The following PECR variants were observed in gnomAD, a reference collection of about 807,000 sequenced individuals.
PECR encodes 2,4-dienoyl-CoA reductase-related protein.
PECR carries 30 observed loss-of-function variants against 35.3 expected under a neutral mutation model. The observed-to-expected ratio is 0.85, with a 90% CI of 0.64 to 1.15. The LOEUF is 1.15. Ranked by LOEUF, PECR falls within the 50% of genes most tolerant of loss-of-function variation. The pLI is 0.00. For synonymous variants in PECR, 148 were observed against 138.9 expected (o/e 1.07, Z -0.46); for missense variants, 392 against 370.8 (o/e 1.06, Z -0.47).
At chr2:216,033,537 G>A (rs960333359), downstream of PECR, 2 of 152,292 alleles carry the variant, frequency 1.3e-5, no homozygotes, top group East Asian at 3.9e-4. Context: ...CAGGATGCCA[G>A]GAAGCAGCAA....
At chr2:216,066,272 G>T in intron 2 of PECR, 113 bp downstream of exon 2, 1 of 885,484 alleles carries the variant, frequency 1.1e-6, no homozygotes. Flanking sequence ...TCTGCTTCTA[G>T]TGAGCCTCAT....
intron 1 of PECR, among the ~76,000 whole-genome samples, chr2:216,072,270 T>C (rs1054440748): frequency 6.6e-6 from 1 of 152,182 alleles, no homozygotes; most frequent in Non-Finnish European, 1.5e-5. Flanking sequence ...CAGTCCAGCA[T>C]ATACAGGTGG....
chr2:216,046,809 C>G (rs1056300321), intron 6 of PECR, among the ~76,000 whole-genome samples: 1 of 152,046 alleles, frequency 6.6e-6, no homozygotes, highest in African/African-American at 2.4e-5. Flanking sequence ...GAAACATATC[C>G]CCTCACCCAA....
intron 1 of PECR, among the ~76,000 whole-genome samples, chr2:216,078,333 G>C (rs893928843): frequency 1.3e-5 from 2 of 151,964 alleles, no homozygotes; most frequent in African/African-American, 2.4e-5. Context: ...AAAATAAAGA[G>C]GAAAAAGTAA....
chr2:216,054,378 T>C (rs1182777822), intron 4 of PECR, among the ~76,000 whole-genome samples: 3 of 139,006 alleles, frequency 2.2e-5, no homozygotes, highest in African/African-American at 3.1e-5. Context: ...TTTCTTTTTT[T>C]TTTTTTTTTT....
intron 1 of PECR, among the ~76,000 whole-genome samples, chr2:216,070,270 T>C (rs1695562631): frequency 6.6e-6 from 1 of 152,250 alleles, no homozygotes. Flanking sequence ...CAGGCTAATG[T>C]ATCTATCACC....
At chr2:216,078,293 C>T (rs890019879) in intron 1 of PECR, among the ~76,000 whole-genome samples, 4 of 151,534 alleles carry the variant, frequency 2.6e-5, no homozygotes, top group South Asian at 2.1e-4. Flanking sequence ...ATGACAATGT[C>T]GTGGAAATAG....
At chr2:216,048,729 C>T (rs769427847) in intron 6 of PECR, among the ~76,000 whole-genome samples, 3 of 150,716 alleles carry the variant, frequency 2.0e-5, no homozygotes, top group African/African-American at 7.3e-5. Flanking sequence ...TCTTCATCAT[C>T]GTCATCATCA....
At position 216,054,749 on chromosome 2, in the gene PECR, T is replaced by G. The variant is rs144043443; in HGVS notation, c.507-3204A>C. On this transcript the variant is annotated intron_variant, in intron 4 of 7. Transcript: ENST00000265322. ...CATTACGGTGAACTTCACAAGTTATTCCAAATTCTACAGTCATAGATGTTG... is the reference window on the plus strand; with the variant it reads ...CATTACGGTGAACTTCACAAGTTATGCCAAATTCTACAGTCATAGATGTTG... Among the ~76,000 whole-genome samples, 809 of 152,342 alleles carry G rather than the reference T, an allele frequency of 5.3e-3. 10 individuals are homozygous for G. The highest frequency in any genetic ancestry group is 0.018 in the African/African-American group (767 of 41,574).
intron 6 of PECR, among the ~76,000 whole-genome samples, chr2:216,048,989 C>T (rs944022541): frequency 6.6e-6 from 1 of 151,946 alleles, no homozygotes; most frequent in Admixed American, 6.6e-5. Flanking sequence ...CCAACAAATG[C>T]CATGTAATAA....
chr2:216,066,254 T>C, intron 2 of PECR, 131 bp downstream of exon 2: 1 of 821,334 alleles, frequency 1.2e-6, no homozygotes, highest in South Asian at 1.4e-5. Context: ...AGAATCTCTT[T>C]CACAGCCTCT....
Position 216,044,004 on chromosome 2 carries a change from C to T in PECR, c.726G>A (p.Val242=). The change falls in exon 7 of 8, where the codon GTG becomes GTA. Residue 242 remains valine (V), a synonymous_variant. Coordinates refer to ENST00000265322, the MANE Select transcript of PECR (RefSeq NM_018441.6). ...RIGVPEEVSS[V]VCFLLSPAAS... ...CTGCAGGAGACAGTAGGAAGCAGAC[C>T]ACAGAGGAGACCTGGAAACAGAAAC... 2 of 1,595,108 alleles carry T rather than the reference C, an allele frequency of 1.3e-6. No homozygotes were observed. The highest frequency in any genetic ancestry group is 1.7e-6 in the Non-Finnish European group (2 of 1,162,778).
At chr2:216,031,442 A>AAAGAAAAAGAAAGAAAGAAAGG (rs1559203829) in intron 7 of PECR, among the ~76,000 whole-genome samples, 223 of 138,424 alleles carry the variant, frequency 1.6e-3, no homozygotes, top group Non-Finnish European at 2.8e-3. Flanking sequence ...AGAAAGAAAG[A>AAAGAAAAAGAAAGAAAGAAAGG]AAAAGAAAGA....
chr2:216,030,956 T>TCACACACACA (rs1219074422), intron 7 of PECR, among the ~76,000 whole-genome samples: 3 of 113,398 alleles, frequency 2.6e-5, no homozygotes, highest in South Asian at 2.8e-4. Context: ...TCTCTCTCTC[T>TCACACACACA]CACACACACA....
At chr2:216,074,533 G>GAAGGAAGT (rs1695654078) in intron 1 of PECR, among the ~76,000 whole-genome samples, 1 of 120,650 alleles carries the variant, frequency 8.3e-6, no homozygotes, top group East Asian at 2.2e-4. Context: ...AGGAAGGAAG[G>GAAGGAAGT]AAGGAAGAAA....
chr2:216,055,100 A>C (rs996745791), intron 4 of PECR, among the ~76,000 whole-genome samples: 1 of 143,570 alleles, frequency 7.0e-6, no homozygotes, highest in Non-Finnish European at 1.5e-5. Context: ...TGATAGAGCG[A>C]GACTGTGTCT....
intron 4 of PECR, among the ~76,000 whole-genome samples, chr2:216,058,614 T>C (rs1203155505): frequency 6.6e-6 from 1 of 152,116 alleles, no homozygotes; most frequent in African/African-American, 2.4e-5. Flanking sequence ...GGATTAGAGT[T>C]GCCCAAGAAA....
At position 216,074,460 on chromosome 2, in the gene PECR, AAAAG is replaced by A. The variant is rs1206398018; in HGVS notation, c.124+7154_124+7157del. On this transcript the variant is annotated intron_variant, in intron 1 of 7. Coordinates refer to ENST00000265322, the MANE Select transcript of PECR (RefSeq NM_018441.6). ...AGAAAGAAAAAGAAAGAAAAGAAAGAAAAGAAAGAAAGAGAGAGAGAAAGAAAGA... is the reference window on the plus strand; with the variant it reads ...AGAAAGAAAAAGAAAGAAAAGAAAGAAAAGAAAGAGAGAGAGAAAGAAAGA... Among the ~76,000 whole-genome samples the A allele has an allele frequency of 8.6e-5, 13 of 150,734 alleles. No individual in the cohort carries two copies. The East Asian group carries it at 1.6e-3, about 18-fold the overall frequency.
At chr2:216,075,038 T>C (rs1056975109) in intron 1 of PECR, among the ~76,000 whole-genome samples, 1 of 152,176 alleles carries the variant, frequency 6.6e-6, no homozygotes, top group African/African-American at 2.4e-5. Flanking sequence ...TCCCAGCAAT[T>C]TGGGAGGCTA....
Sources: gnomAD v4.1 joint callset for allele counts (sites outside exome capture counted in the v4.1 genomes callset) on GRCh38, gnomAD v4.1.1 for gene constraint, MANE v1.5 for transcripts, NCBI Gene and HGNC (gene_info 2026-07-23, HGNC 2026-07-21) for gene names.